The following FAM124B variants were observed in gnomAD, a reference collection of about 807,000 sequenced individuals.
The protein encoded by FAM124B is protein FAM124B.
Under a neutral mutation model 19.7 loss-of-function variants are expected in FAM124B, and 18 were observed. The observed-to-expected ratio is 0.92, with a 90% CI of 0.63 to 1.36. FAM124B has a LOEUF of 1.36. Among genes scored for constraint, FAM124B ranks in the 40% most tolerant of loss-of-function variants. The probability of loss-of-function intolerance (pLI) is 0.00; values close to 1 mark genes in which losing one functional copy is unlikely to be tolerated. For synonymous variants in FAM124B, 223 were observed against 225.2 expected (o/e 0.99, Z 0.09); for missense variants, 540 against 553.3 (o/e 0.98, Z 0.24).
intron 1 of FAM124B, among the ~76,000 whole-genome samples, chr2:224,382,941 T>C (rs1574570708): frequency 6.6e-6 from 1 of 152,190 alleles, no homozygotes; most frequent in East Asian, 1.9e-4. Context: ...CTATCGCAGA[T>C]GTGCTTGCAC....
intron 1 of FAM124B, among the ~76,000 whole-genome samples, chr2:224,391,944 T>C (rs1057126836): frequency 9.2e-5 from 14 of 152,358 alleles, no homozygotes; most frequent in African/African-American, 3.1e-4. Context: ...ACTTAAAAGA[T>C]TGATAATTGT....
chr2:224,400,555 T>G, intron 1 of FAM124B: 1 of 678,354 alleles, frequency 1.5e-6, no homozygotes, highest in Non-Finnish European at 2.7e-6. Context: ...TAAACATAAG[T>G]ATGACTTCAA....
chr2:224,398,417 T>A (rs182952917), intron 1 of FAM124B, among the ~76,000 whole-genome samples: 2 of 152,090 alleles, frequency 1.3e-5, no homozygotes, highest in Non-Finnish European at 2.9e-5. Flanking sequence ...CCTGAAAAAT[T>A]CACTCCATTC....
At chr2:224,388,160 G>A (rs1025403976) in intron 1 of FAM124B, among the ~76,000 whole-genome samples, 1 of 152,112 alleles carries the variant, frequency 6.6e-6, no homozygotes, top group Non-Finnish European at 1.5e-5. Context: ...ATACAAGAAC[G>A]GGAAAATATA....
chr2:224,391,217 T>C (rs1689881509), intron 1 of FAM124B, among the ~76,000 whole-genome samples: 2 of 150,684 alleles, frequency 1.3e-5, no homozygotes, highest in Non-Finnish European at 3.0e-5. Flanking sequence ...GCCGCACACC[T>C]ATAGTTCCAG....
intron 1 of FAM124B, among the ~76,000 whole-genome samples, chr2:224,382,919 C>T (rs1013979970): frequency 6.6e-6 from 1 of 152,120 alleles, no homozygotes; most frequent in Non-Finnish European, 1.5e-5. Context: ...GAGCCACACA[C>T]ACCTGAAACC....
chr2:224,390,446 A>G (rs549737946), intron 1 of FAM124B, among the ~76,000 whole-genome samples: 5 of 152,224 alleles, frequency 3.3e-5, no homozygotes, highest in Admixed American at 6.5e-5. Context: ...GCAAGATACC[A>G]GAGCCATCGA....
rs1433584909 is a variant in FAM124B at position 224,380,055 on chromosome 2, C to A, written c.886G>T (p.Glu296Ter). 2.6e-6 allele frequency: 4 copies of A among 1,551,692 alleles called. No individual in the cohort carries two copies. Among genetic ancestry groups the A allele is most frequent in the Non-Finnish European group, 3.5e-6 (4 of 1,146,998 alleles). The change falls in exon 2 of 2, where the codon GAG becomes TAG. Residue 296 changes from glutamate to a stop codon, truncating the protein, a stop_gained. Transcript: ENST00000409685. LOFTEE classifies it low-confidence loss of function (END_TRUNC). ...GGGCTCCCACTGGGCTCAGGAAGCT[C>A]CAGAGAATGCCCCTGGGACCTCTTG... The part of the protein sequence containing the change: ...QGKRSQGHSL[E>*]LPEPSGSPTS...
intron 1 of FAM124B, among the ~76,000 whole-genome samples, chr2:224,380,464 T>C (rs1393595979): frequency 6.6e-6 from 1 of 152,166 alleles, no homozygotes; most frequent in East Asian, 1.9e-4. Flanking sequence ...AAATGGCCAA[T>C]TGACAACACC....
intron 1 of FAM124B, among the ~76,000 whole-genome samples, chr2:224,390,777 T>C (rs986776668): frequency 2.7e-5 from 4 of 150,534 alleles, no homozygotes; most frequent in Admixed American, 2.0e-4. Flanking sequence ...CTCGGCCCAC[T>C]GCAACCTCCA....
Position 224,380,186 on chromosome 2 carries a change from C to G in FAM124B, c.755G>C (p.Gly252Ala). ...LLQVQLNPELGVKNGILGAGM... is the reference protein window; with the variant it reads ...LLQVQLNPELAVKNGILGAGM... ...AGCTCCCAAGATGCCATTCTTAACA[C>G]CAAGTTCTGGATTCAGCTGAACCTA... Residue 252 changes from glycine to alanine, a missense_variant, in exon 2 of 2, where the codon GGT becomes GCT. Coordinates refer to ENST00000409685, the MANE Select transcript of FAM124B (RefSeq NM_001122779.2). 1 of 1,548,360 alleles carries G rather than the reference C, an allele frequency of 6.5e-7. No homozygotes were observed. Among genetic ancestry groups the G allele is most frequent in the Non-Finnish European group, 8.7e-7 (1 of 1,144,832 alleles).
chr2:224,386,166 C>T (rs975842416), intron 1 of FAM124B, among the ~76,000 whole-genome samples: 3 of 152,214 alleles, frequency 2.0e-5, no homozygotes, highest in African/African-American at 7.2e-5. Context: ...CTGTCTGCCT[C>T]TTCTTATACC....
intron 1 of FAM124B, among the ~76,000 whole-genome samples, chr2:224,396,542 C>G (rs1689972731): frequency 6.6e-6 from 1 of 152,264 alleles, no homozygotes; most frequent in East Asian, 1.9e-4. Flanking sequence ...GTATAATTTT[C>G]TTACTTTTGC....
rs912088429 is a variant in FAM124B, at chr2:224,379,435, T to C, written c.*138A>G. Reference sequence around the variant, plus strand: ...ACCTTTAGACTTTGAACATTTGAAATAAAATCAATACAGATTGTGCATGGG... The same window carrying C: ...ACCTTTAGACTTTGAACATTTGAAACAAAATCAATACAGATTGTGCATGGG... On this transcript the variant is annotated 3_prime_UTR_variant, in exon 2 of 2. Transcript: ENST00000409685. 5 of 1,192,034 alleles carry C rather than the reference T, an allele frequency of 4.2e-6. No homozygotes were observed. Among genetic ancestry groups the C allele is most frequent in the African/African-American group, 1.5e-5 (1 of 64,746 alleles). 73.8% of individuals were successfully genotyped at this position (1,192,034 alleles called of 1,614,324 possible).
intron 1 of FAM124B, chr2:224,400,429 C>A: frequency 1.4e-6 from 1 of 695,040 alleles, no homozygotes; most frequent in Non-Finnish European, 2.6e-6. Context: ...TCACTTGAAC[C>A]CAGAAGGTGA....
In FAM124B at chr2:224,379,371, T is replaced by C; in HGVS notation, c.*202A>G. On this transcript the variant is annotated 3_prime_UTR_variant, in exon 2 of 2. Transcript: ENST00000409685. ...TTTTCCCTGTGTGTTGGCTGTGTTC[T>C]CTTATGACTGTGACGGCAAATAAAC... 5.3e-6 allele frequency: 4 copies of C among 757,396 alleles called. No homozygotes were observed. The highest frequency in any genetic ancestry group is 7.9e-6 in the Non-Finnish European group (4 of 505,510). 46.9% of individuals were successfully genotyped at this position (757,396 alleles called of 1,614,324 possible).
intron 1 of FAM124B, among the ~76,000 whole-genome samples, chr2:224,388,873 G>A (rs76085834): frequency 0.036 from 5,417 of 152,258 alleles, 296 homozygotes; most frequent in African/African-American, 0.12. Context: ...CAGAGCTCTG[G>A]AGGGAAGAGG....
chr2:224,383,586 T>C (rs112325713), intron 1 of FAM124B, among the ~76,000 whole-genome samples: 2,371 of 152,236 alleles, frequency 0.016, 69 homozygotes, highest in African/African-American at 0.053. Flanking sequence ...ATTGTACAAA[T>C]GTATAAAATA....
intron 1 of FAM124B, among the ~76,000 whole-genome samples, chr2:224,395,048 T>C (rs1371576096): frequency 6.6e-6 from 1 of 151,254 alleles, no homozygotes; most frequent in Non-Finnish European, 1.5e-5. Flanking sequence ...TTGAGGGAGG[T>C]TTATCATTTA....
Sources: gnomAD v4.1 joint callset for allele counts (sites outside exome capture counted in the v4.1 genomes callset) on GRCh38, gnomAD v4.1.1 for gene constraint, MANE v1.5 for transcripts, NCBI Gene and HGNC (gene_info 2026-07-23, HGNC 2026-07-21) for gene names.